Variants in ROR1 observed in about 807,000 individuals in gnomAD.
The protein encoded by ROR1 is ROR family WNT receptor 1, also known as inactive tyrosine-protein kinase transmembrane receptor ROR1.
ROR1 carries 19 observed loss-of-function variants against 78.8 expected under a neutral mutation model. The ratio of observed to expected loss-of-function variants is 0.24; its 90% CI spans 0.17 to 0.35. The LOEUF is 0.35. ROR1 is among the 10% of genes least tolerant of loss of function. The pLI, the probability that ROR1 is intolerant of heterozygous loss-of-function variation, is 1.00. For missense variants in ROR1, 917 were observed against 1,177.8 expected, an observed-to-expected ratio of 0.78 and a Z score of 3.24; for synonymous variants, 386 against 433.6, an observed-to-expected ratio of 0.89 and a Z score of 1.36.
intron 4 of ROR1, among the ~76,000 whole-genome samples, chr1:64,092,829 A>T (rs1248144100): frequency 6.6e-6 from 1 of 152,174 alleles, no homozygotes; most frequent in East Asian, 1.9e-4. Flanking sequence ...TCTTATCAAG[A>T]GAATAATCTG....
chr1:63,969,196 G>A (rs1646099525), intron 1 of ROR1, among the ~76,000 whole-genome samples: 4 of 152,198 alleles, frequency 2.6e-5, no homozygotes, highest in Admixed American at 2.6e-4. Context: ...ATAAAAGAAT[G>A]AAGAAGATGG....
rs114704582 is a variant in ROR1, at chr1:64,090,690, G to C, written c.482+39974G>C. ...GAAACAAAAAATAAGTTGTCCTGGT[G>C]ATAAGCAAATGGCTGGGATGGTTTT... On this transcript the variant is annotated intron_variant, in intron 4 of 8. Coordinates refer to ENST00000371079, the MANE Select transcript of ROR1 (RefSeq NM_005012.4). 7.9e-3 allele frequency among the ~76,000 whole-genome samples: 1,201 copies of C among 152,294 alleles called. 13 individuals are homozygous for C. Among genetic ancestry groups the C allele is most frequent in the African/African-American group, 0.027 (1,132 of 41,570 alleles).
intron 2 of ROR1, among the ~76,000 whole-genome samples, chr1:64,041,986 C>G (rs1442666739): frequency 1.3e-5 from 2 of 152,048 alleles, no homozygotes; most frequent in African/African-American, 4.8e-5. Flanking sequence ...AGTTATGTGA[C>G]CTTAGGCAAC....
rs552418937 is a variant in ROR1 at position 63,930,803 on chromosome 1, C to A, written c.92-78502C>A. On this transcript the variant is annotated intron_variant, in intron 1 of 8. Transcript: ENST00000371079. ...ACAGTTTCCTCCTTTATATTCTTACCAACTTCTATTCACATGTGTGAATTC... is the reference window on the plus strand; with the variant it reads ...ACAGTTTCCTCCTTTATATTCTTACAAACTTCTATTCACATGTGTGAATTC... Among the ~76,000 whole-genome samples, 17 of 152,284 alleles carry A rather than the reference C, an allele frequency of 1.1e-4. No individual in the cohort carries two copies. In the South Asian group the frequency reaches 3.3e-3, roughly 30 times the overall value.
chr1:64,097,104 G>A (rs76731187), intron 4 of ROR1, among the ~76,000 whole-genome samples: 9,232 of 152,174 alleles, frequency 0.061, 484 homozygotes, highest in East Asian at 0.27. Flanking sequence ...CTGTCTTACA[G>A]TTTTGAAAGT....
chr1:64,038,416 A>G (rs1646720575), intron 2 of ROR1, among the ~76,000 whole-genome samples: 1 of 152,126 alleles, frequency 6.6e-6, no homozygotes, highest in African/African-American at 2.4e-5. Context: ...TTGACCACAC[A>G]CTTGGCTTTT....
intron 1 of ROR1, among the ~76,000 whole-genome samples, chr1:63,846,843 A>T (rs750461418): frequency 1.3e-5 from 2 of 152,046 alleles, no homozygotes; most frequent in African/African-American, 2.4e-5. Flanking sequence ...GCTCACTAAC[A>T]CTCCTAATGC....
intron 2 of ROR1, among the ~76,000 whole-genome samples, chr1:64,044,962 G>T (rs1292743987): frequency 6.6e-6 from 1 of 152,070 alleles, no homozygotes; most frequent in Non-Finnish European, 1.5e-5. Flanking sequence ...GAAAACGAAC[G>T]TAACTCAGTA....
intron 1 of ROR1, among the ~76,000 whole-genome samples, chr1:63,995,550 T>A (rs190408163): frequency 6.6e-6 from 1 of 152,328 alleles, no homozygotes; most frequent in East Asian, 1.9e-4. Context: ...ACAAGGATTT[T>A]TGAAATCTGG....
intron 1 of ROR1, chr1:63,788,828 C>A: frequency 1.5e-6 from 1 of 666,266 alleles, no homozygotes. Flanking sequence ...CTCTGGGCCT[C>A]AACCTGGTTA....
chr1:63,909,652 G>A (rs1228838487), intron 1 of ROR1, among the ~76,000 whole-genome samples: 3 of 152,092 alleles, frequency 2.0e-5, no homozygotes, highest in East Asian at 1.9e-4. Context: ...GTCTGCACAC[G>A]TTTTCTCAGG....
intron 1 of ROR1, among the ~76,000 whole-genome samples, chr1:63,964,098 C>A (rs1380964661): frequency 1.3e-5 from 2 of 152,186 alleles, no homozygotes; most frequent in Non-Finnish European, 2.9e-5. Flanking sequence ...TTAACAGCTA[C>A]TCTGTAAGAT....
At chr1:63,898,245 A>G (rs1418735685) in intron 1 of ROR1, among the ~76,000 whole-genome samples, 1 of 152,190 alleles carries the variant, frequency 6.6e-6, no homozygotes, top group East Asian at 1.9e-4. Context: ...AAGGCTATAT[A>G]TTATTCAATT....
intron 1 of ROR1, among the ~76,000 whole-genome samples, chr1:63,833,784 G>GT (rs1023427304): frequency 1.5e-4 from 23 of 149,256 alleles, no homozygotes; most frequent in African/African-American, 4.2e-4. Context: ...GCCTGCTTGC[G>GT]TTTTTTTTTC....
chr1:63,993,428 A>C (rs1021792758), intron 1 of ROR1, among the ~76,000 whole-genome samples: 1 of 152,156 alleles, frequency 6.6e-6, no homozygotes, highest in Non-Finnish European at 1.5e-5. Context: ...TGAAACCACC[A>C]GTTCCCCTTC....
chr1:63,935,807 G>A (rs952007508), intron 1 of ROR1, among the ~76,000 whole-genome samples: 180 of 152,306 alleles, frequency 1.2e-3, no homozygotes, highest in African/African-American at 4.1e-3. Context: ...GAGGTCAAAA[G>A]CAGTTTCTGT....
chr1:63,917,055 A>T (rs1243839212), intron 1 of ROR1, among the ~76,000 whole-genome samples: 1 of 152,110 alleles, frequency 6.6e-6, no homozygotes, highest in Non-Finnish European at 1.5e-5. Context: ...TCAACATTAC[A>T]TATTATTTCT....
At chr1:63,787,936 C>T (rs886705555) in intron 1 of ROR1, among the ~76,000 whole-genome samples, 5 of 152,190 alleles carry the variant, frequency 3.3e-5, no homozygotes, top group Admixed American at 6.5e-5. Context: ...TAGGGGCAGC[C>T]CTTCTGGGAT....
At chr1:64,164,885 T>C (rs1284239195) in intron 8 of ROR1, among the ~76,000 whole-genome samples, 3 of 152,228 alleles carry the variant, frequency 2.0e-5, no homozygotes, top group Non-Finnish European at 1.5e-5. Context: ...TTGCTAAGGA[T>C]AATGGTCTCC....
Sources: gnomAD v4.1 joint callset for allele counts (sites outside exome capture counted in the v4.1 genomes callset) on GRCh38, gnomAD v4.1.1 for gene constraint, MANE v1.5 for transcripts, NCBI Gene and HGNC (gene_info 2026-07-23, HGNC 2026-07-21) for gene names.